Variants in FAM47E observed in about 807,000 individuals in gnomAD.
FAM47E encodes the protein family with sequence similarity 47 member E, also known as protein FAM47E.
In FAM47E, 32 loss-of-function variants were observed where a neutral mutation model predicts 41.6. The observed-to-expected ratio is 0.77, with a 90% CI of 0.58 to 1.03. FAM47E has a LOEUF of 1.03. Among genes scored for constraint, FAM47E ranks in the 50% least tolerant of loss-of-function variants. FAM47E has a pLI of 0.00. For missense variants in FAM47E, 424 were observed against 485.4 expected (o/e 0.87, Z 1.19); for synonymous variants, 184 against 188.7 (o/e 0.98, Z 0.20).
At chr4:76,218,934 C>T (rs909868593) in intron 2 of FAM47E, among the ~76,000 whole-genome samples, 2 of 152,194 alleles carry the variant, frequency 1.3e-5, no homozygotes, top group African/African-American at 2.4e-5. Context: ...TTACTCCTTA[C>T]AATGCCCTAT....
At chr4:76,230,137 A>G (rs1733468499) in intron 2 of FAM47E, among the ~76,000 whole-genome samples, 1 of 152,140 alleles carries the variant, frequency 6.6e-6, no homozygotes, top group South Asian at 2.1e-4. Context: ...ATGGGTAGAG[A>G]AAAACCATGA....
intron 3 of FAM47E, among the ~76,000 whole-genome samples, chr4:76,266,986 T>A (rs1353716853): frequency 6.6e-6 from 1 of 151,958 alleles, no homozygotes; most frequent in Non-Finnish European, 1.5e-5. Context: ...ACAACTTCTC[T>A]GTATAAATAA....
In FAM47E at chr4:76,283,501, A is replaced by G; in HGVS notation, c.*43A>G. 8.6e-7 allele frequency: 1 copy of G among 1,169,116 alleles called. No homozygotes were observed. Among genetic ancestry groups the G allele is most frequent in the South Asian group, 1.3e-5 (1 of 75,630 alleles). 72.4% of individuals were successfully genotyped at this position (1,169,116 alleles called of 1,614,324 possible). A position where few individuals can be genotyped will look rare whatever the true frequency, so the allele number is the denominator to read the frequency against. ...GATTAGGCAGATTTTATTACTACGTACTTGGCTATTTCTCTGTCTCCTTTT... is the reference window on the plus strand; with the variant it reads ...GATTAGGCAGATTTTATTACTACGTGCTTGGCTATTTCTCTGTCTCCTTTT... On this transcript the variant is annotated 3_prime_UTR_variant, in exon 8 of 8. Transcript: ENST00000424749.
chr4:76,281,659 A>G (rs1530296), intron 7 of FAM47E: 54,444 of 151,812 alleles, frequency 0.36, 10,547 homozygotes, highest in Admixed American at 0.42. Flanking sequence ...TAGTGGCAAA[A>G]CACCCTTCTT....
At chr4:76,256,552 G>A (rs945925904) in intron 2 of FAM47E, 29 bp downstream of exon 2, 1 of 1,506,364 alleles carries the variant, frequency 6.6e-7, no homozygotes, top group Non-Finnish European at 8.9e-7. Flanking sequence ...TGTGGGAGGG[G>A]CTTCACTGGG....
Position 76,278,172 on chromosome 4 carries a change from A to C in FAM47E, c.974A>C (p.Glu325Ala), listed in dbSNP as rs1334524248. The change falls in exon 6 of 8, where the codon GAG becomes GCG. Residue 325 changes from glutamate to alanine, a missense_variant. Glu to Ala is a moderately radical substitution (Grantham distance 107). Transcript: ENST00000424749. ...QRVDEPLVDP[E>A]VSHKAQEENF... ...GTAGACGAGCCTCTGGTTGACCCTG[A>C]GGTCTCACATAAGGCTCAAGAGGAG... 2 of 1,550,256 alleles carry C rather than the reference A, an allele frequency of 1.3e-6. No individual in the cohort carries two copies. Among genetic ancestry groups the C allele is most frequent in the Non-Finnish European group, 1.7e-6 (2 of 1,146,722 alleles).
chr4:76,269,156 G>A (rs1413641405), intron 4 of FAM47E: 1 of 183,460 alleles, frequency 5.5e-6, no homozygotes, highest in African/African-American at 2.4e-5. Context: ...GGTACTCCTT[G>A]ATTATAATCT....
intron 3 of FAM47E, among the ~76,000 whole-genome samples, chr4:76,264,194 A>G (rs1455580043): frequency 6.6e-6 from 1 of 152,116 alleles, no homozygotes; most frequent in Non-Finnish European, 1.5e-5. Context: ...AGCATGCCAA[A>G]GCACCATACT....
intron 1 of FAM47E, among the ~76,000 whole-genome samples, chr4:76,253,821 G>A (rs1274713826): frequency 7.5e-6 from 1 of 132,750 alleles, no homozygotes; most frequent in Non-Finnish European, 1.7e-5. Context: ...AAAAAAAAAA[G>A]AAAGGAAAGA....
At position 76,256,339 on chromosome 4, in the gene FAM47E, A is replaced by G; in HGVS notation, c.236A>G (p.Tyr79Cys). ...GTGGAGGGCTTTCTGCCCCAGATTT[A>G]TCACAGAGCTCCCCAACTGGCCCCA... ...VPVEGFLPQI[Y>C]HRAPQLAPKK... The change falls in exon 2 of 8, where the codon TAT (tyrosine) becomes TGT (cysteine). Residue 79 changes from tyrosine (Y) to cysteine (C), a missense_variant. Coordinates refer to ENST00000424749, the MANE Select transcript of FAM47E (RefSeq NM_001136570.3). 6.4e-7 allele frequency: 1 copy of G among 1,551,710 alleles called. No homozygotes were observed. The highest frequency in any genetic ancestry group is 8.7e-7 in the Non-Finnish European group (1 of 1,147,016).
intron 2 of FAM47E, among the ~76,000 whole-genome samples, chr4:76,241,705 G>A (rs140711630): frequency 2.3e-3 from 344 of 152,304 alleles, no homozygotes; most frequent in African/African-American, 7.7e-3. Flanking sequence ...AGTTGTTTAG[G>A]TGGGAAGTCG....
At chr4:76,258,598 T>C (rs77195452) in intron 2 of FAM47E, among the ~76,000 whole-genome samples, 1 of 152,212 alleles carries the variant, frequency 6.6e-6, no homozygotes, top group East Asian at 1.9e-4. Context: ...AGTAAAAGAC[T>C]GTGTACCCAG....
At chr4:76,251,652 C>T (rs943590015), upstream of FAM47E, 2 of 1,355,580 alleles carry the variant, frequency 1.5e-6, no homozygotes. Flanking sequence ...GGGCAAATAC[C>T]GGCAGCGGTG....
At position 76,243,361 on chromosome 4, in the gene FAM47E, A is replaced by G. The variant is rs560858393; in HGVS notation, c.82-20343A>G. 1.3e-4 allele frequency among the ~76,000 whole-genome samples: 20 copies of G among 152,282 alleles called. No homozygotes were observed. The South Asian group carries it at 4.1e-3, about 32-fold the overall frequency. On this transcript the variant is annotated intron_variant, in intron 2 of 7. Transcript: ENST00000510197. ...ATAAAATTGCCATGGAATTTTGACAACACCTCCTGCTTTATCTAGTACCTG... is the reference window on the plus strand; with the variant it reads ...ATAAAATTGCCATGGAATTTTGACAGCACCTCCTGCTTTATCTAGTACCTG...
At chr4:76,214,695 G>T (rs1345474768) in intron 1 of FAM47E, among the ~76,000 whole-genome samples, 1 of 152,222 alleles carries the variant, frequency 6.6e-6, no homozygotes, top group Non-Finnish European at 1.5e-5. Flanking sequence ...GACTCAAGAA[G>T]TGTTCGTTAA....
At chr4:76,282,041 AT>A (rs1208249722) in intron 7 of FAM47E, 8 of 56,768 alleles carry the variant, frequency 1.4e-4, no homozygotes, top group East Asian at 3.2e-4. Flanking sequence ...TTAACATAAC[AT>A]TTGTATGTAG....
intron 2 of FAM47E, among the ~76,000 whole-genome samples, chr4:76,229,954 G>A (rs1733464802): frequency 6.6e-6 from 1 of 152,182 alleles, no homozygotes; most frequent in Admixed American, 6.5e-5. Flanking sequence ...TATGTCCTGA[G>A]GTGGATGATC....
chr4:76,271,422 C>A (rs1578796407), intron 4 of FAM47E, 146 bp from the exon 5 acceptor site: 1 of 958,996 alleles, frequency 1.0e-6, no homozygotes, highest in East Asian at 2.7e-5. Context: ...ACCCCAAACA[C>A]TTCTTGTCTT....
intron 2 of FAM47E, among the ~76,000 whole-genome samples, chr4:76,232,565 GCATAA>G (rs1304815287): frequency 8.5e-5 from 13 of 152,120 alleles, no homozygotes; most frequent in African/African-American, 2.9e-4. Context: ...ATGATTGGTA[GCATAA>G]CTTAGACATT....
Sources: gnomAD v4.1 joint callset for allele counts (sites outside exome capture counted in the v4.1 genomes callset) on GRCh38, gnomAD v4.1.1 for gene constraint, MANE v1.5 for transcripts, NCBI Gene and HGNC (gene_info 2026-07-23, HGNC 2026-07-21) for gene names.